STRBP: variants seen among roughly 807,000 people sequenced by gnomAD.
STRBP encodes the protein spermatid perinuclear RNA binding protein, also known as spermatid perinuclear RNA-binding protein.
Under a neutral mutation model 80.1 loss-of-function variants are expected in STRBP, and 13 were observed. The ratio of observed to expected loss-of-function variants is 0.16; its 90% confidence interval spans 0.11 to 0.26. The LOEUF (loss-of-function observed/expected upper bound fraction) is 0.26. Ranked by LOEUF, STRBP falls within the 10% of genes least tolerant of loss-of-function variation. The pLI, the probability that STRBP is intolerant of heterozygous loss-of-function variation, is 1.00. For synonymous variants in STRBP, 284 were observed against 291.2 expected (o/e 0.98, Z 0.25); for missense variants, 485 against 815.2 (o/e 0.59, Z 4.93).
chr9:123,120,361 C>A (rs879448368), downstream of STRBP, among the ~76,000 whole-genome samples: 4 of 151,732 alleles, frequency 2.6e-5, no homozygotes, highest in Non-Finnish European at 4.4e-5. Context: ...TCAGGAGGCA[C>A]TGGCATCAGA....
At chr9:123,245,216 C>T (rs1716313703) in intron 1 of STRBP, among the ~76,000 whole-genome samples, 1 of 152,118 alleles carries the variant, frequency 6.6e-6, no homozygotes, top group South Asian at 2.1e-4. Flanking sequence ...TTCTCTAAAA[C>T]CAAATTTTTC....
chr9:123,215,394 A>G (rs1035597340), intron 2 of STRBP, among the ~76,000 whole-genome samples: 11 of 152,190 alleles, frequency 7.2e-5, no homozygotes, highest in Non-Finnish European at 5.9e-5. Flanking sequence ...CAATCATTAC[A>G]GCCACTCTGA....
intron 1 of STRBP, among the ~76,000 whole-genome samples, chr9:123,237,776 C>T (rs930621499): frequency 1.3e-5 from 2 of 152,122 alleles, no homozygotes; most frequent in Non-Finnish European, 1.5e-5. Flanking sequence ...CCCCTTACAG[C>T]GGGAGAAAGG....
chr9:123,243,445 G>A (rs935430747), intron 1 of STRBP, among the ~76,000 whole-genome samples: 5 of 152,048 alleles, frequency 3.3e-5, no homozygotes, highest in Admixed American at 6.5e-5. Flanking sequence ...AGCAAGATTC[G>A]TAAAAGGAAA....
chr9:123,209,858 T>C (rs2039648388), intron 2 of STRBP, among the ~76,000 whole-genome samples: 1 of 151,968 alleles, frequency 6.6e-6, no homozygotes, highest in South Asian at 2.1e-4. Context: ...ATGGTTGCCA[T>C]ACACACACAC....
intron 2 of STRBP, 148 bp from the exon 3 acceptor site, chr9:123,184,446 T>C (rs531568114): frequency 8.7e-6 from 2 of 229,130 alleles, no homozygotes; most frequent in Non-Finnish European, 1.7e-5. Flanking sequence ...AGCTAACACA[T>C]CTTTTGAAGG....
At chr9:123,186,647 A>G (rs1192353547) in intron 2 of STRBP, among the ~76,000 whole-genome samples, 1 of 152,186 alleles carries the variant, frequency 6.6e-6, no homozygotes, top group Non-Finnish European at 1.5e-5. Flanking sequence ...CATTTTAAAA[A>G]TGAAACAGAA....
intron 1 of STRBP, among the ~76,000 whole-genome samples, chr9:123,267,061 T>C: frequency 6.7e-6 from 1 of 149,966 alleles, no homozygotes. Context: ...CTCAGAAATC[T>C]TTCCTTCCAT....
intron 2 of STRBP, among the ~76,000 whole-genome samples, chr9:123,218,261 T>C (rs1052387087): frequency 2.0e-5 from 3 of 151,496 alleles, no homozygotes; most frequent in South Asian, 2.1e-4. Context: ...AGCTGAGGAG[T>C]GGACTGGGAA....
At chr9:123,227,228 T>C (rs2044868441) in intron 2 of STRBP, among the ~76,000 whole-genome samples, 1 of 152,156 alleles carries the variant, frequency 6.6e-6, no homozygotes, top group South Asian at 2.1e-4. Flanking sequence ...GAATCCAGAA[T>C]GTAGGAGGAG....
chr9:123,179,064 G>A lies in STRBP; in HGVS notation c.167C>T (p.Thr56Ile). The A allele has an allele frequency of 6.2e-7, 1 of 1,614,022 alleles. No individual in the cohort carries two copies. Among genetic ancestry groups the A allele is most frequent in the Non-Finnish European group, 8.5e-7 (1 of 1,179,986 alleles). Residue 56 changes from threonine to isoleucine, a missense_variant, in exon 4 of 19, where the codon ACA (threonine) becomes ATA (isoleucine). Around this residue, in one of 3 missense-constraint regions of STRBP, gnomAD observed 377 missense variants for 616.1 expected, o/e 0.61. Coordinates refer to ENST00000348403, the MANE Select transcript of STRBP (RefSeq NM_018387.5). ...CACTTCTGTCTCACCCTCTGTTTTT[G>A]TGCCTTTATTTGTTTCATCCAACCA... ...SDWLDETNKG[T>I]KTEGETEVKK...
rs547000380 is a variant in STRBP, at chr9:123,185,345, T to C, written c.-164-1047A>G. Among the ~76,000 whole-genome samples the C allele has an allele frequency of 1.4e-4, 21 of 152,266 alleles. No homozygotes were observed. The East Asian group carries it at 3.7e-3, about 27-fold the overall frequency. On this transcript the variant is annotated intron_variant, in intron 2 of 18. Transcript: ENST00000348403. ...GCTTTGGGAGGCCAAGACGGGAGGA[T>C]TGCTTGAAGCCAGAAGTTCGAGACC...
At chr9:123,233,700 A>C (rs1000308341) in intron 2 of STRBP, among the ~76,000 whole-genome samples, 3 of 152,262 alleles carry the variant, frequency 2.0e-5, no homozygotes, top group African/African-American at 7.2e-5. Flanking sequence ...ATGTAACAGC[A>C]ATACATCTGC....
Position 123,158,359 on chromosome 9 carries a change from T to C in STRBP, c.906A>G (p.Gln302=), listed in dbSNP as rs1245964666. The C allele has an allele frequency of 1.2e-6, 2 of 1,613,552 alleles. No homozygotes were observed. Among genetic ancestry groups the C allele is most frequent in the South Asian group, 2.2e-5 (2 of 91,068 alleles). ...TDALSYMTIQ[Q]KEDITHSAQH... ...GTGCACTGTGGGTAATATCTTCTTTTTGCTGGATGGTCATATAGCTCAGAG... is the reference window on the plus strand; with the variant it reads ...GTGCACTGTGGGTAATATCTTCTTTCTGCTGGATGGTCATATAGCTCAGAG... Residue 302 remains glutamine (Q), a synonymous_variant, in exon 10 of 19, where the codon CAA becomes CAG. Coordinates refer to ENST00000348403, the MANE Select transcript of STRBP (RefSeq NM_018387.5).
downstream of STRBP, among the ~76,000 whole-genome samples, chr9:123,117,988 T>TA (rs2035673472): frequency 6.6e-6 from 1 of 152,180 alleles, no homozygotes; most frequent in South Asian, 2.1e-4. Context: ...AGAGCCCTAT[T>TA]TTAGGCCAGG....
chr9:123,236,360 G>A (rs958121789), intron 2 of STRBP, among the ~76,000 whole-genome samples: 1 of 151,448 alleles, frequency 6.6e-6, no homozygotes, highest in African/African-American at 2.4e-5. Context: ...TCACTTTACC[G>A]TAAGCAAGTC....
chr9:123,145,890 T>C (rs1408507707), intron 13 of STRBP, among the ~76,000 whole-genome samples: 1 of 152,212 alleles, frequency 6.6e-6, no homozygotes, highest in Non-Finnish European at 1.5e-5. Flanking sequence ...AGCTTAGTTA[T>C]TGTTTTTCTG....
intron 3 of STRBP, chr9:123,112,347 TC>T (rs1291564012): frequency 6.0e-5 from 10 of 167,246 alleles, no homozygotes; most frequent in African/African-American, 2.4e-4. Flanking sequence ...TGCTGGGGCT[TC>T]GCTGAATCAG....
At chr9:123,190,586 C>T (rs561309286) in intron 2 of STRBP, among the ~76,000 whole-genome samples, 11 of 152,248 alleles carry the variant, frequency 7.2e-5, no homozygotes, top group South Asian at 2.1e-4. Flanking sequence ...ACACCTATAA[C>T]GATGGAAAAG....
Sources: allele counts gnomAD v4.1 joint callset (sites outside exome capture counted in the v4.1 genomes callset), GRCh38; gene constraint gnomAD v4.1.1; regional missense constraint gnomAD v4.1.1; transcripts MANE v1.5; gene names NCBI Gene and HGNC (gene_info 2026-07-23, HGNC 2026-07-21).